The following IGFL2 variants were observed in gnomAD, a reference collection of about 807,000 sequenced individuals.
The protein encoded by IGFL2 is insulin growth factor-like family member 2.
IGFL2 carries 7 observed loss-of-function variants against 13.9 expected under a neutral mutation model. The observed-to-expected ratio is 0.51, with a 90% CI of 0.29 to 0.95. The LOEUF (loss-of-function observed/expected upper bound fraction) is 0.95. Ranked by LOEUF, IGFL2 falls within the 40% of genes least tolerant of loss-of-function variation. The pLI, the probability that IGFL2 is intolerant of heterozygous loss-of-function variation, is 0.08. For synonymous variants in IGFL2, 55 were observed against 55.8 expected (o/e 0.99, Z 0.07); for missense variants, 138 against 147.8 (o/e 0.93, Z 0.34).
At chr19:46,108,134 G>C in the IGFL2 span, among the ~76,000 whole-genome samples, 1 of 152,114 alleles carries the variant, frequency 6.6e-6, no homozygotes, top group East Asian at 1.9e-4. Context: ...AGCCTGGCGA[G>C]GAGCAGCCTG....
chr19:46,132,942 AGAG>A, the IGFL2 span, among the ~76,000 whole-genome samples: 1 of 152,114 alleles, frequency 6.6e-6, no homozygotes, highest in Non-Finnish European at 1.5e-5. Context: ...AAGGATTAGG[AGAG>A]GAGAGACAAG....
chr19:46,140,736 T>G (rs1300559592), upstream of IGFL2, among the ~76,000 whole-genome samples: 2 of 152,170 alleles, frequency 1.3e-5, no homozygotes, highest in Non-Finnish European at 2.9e-5. Flanking sequence ...GAAACCCCTG[T>G]GGGAACCAGT....
the IGFL2 span, among the ~76,000 whole-genome samples, chr19:46,172,408 G>A: frequency 6.6e-6 from 1 of 152,208 alleles, no homozygotes; most frequent in African/African-American, 2.4e-5. Flanking sequence ...ATGAAGACGT[G>A]AGTAACTTCA....
chr19:46,138,787 C>T (rs1972721604), upstream of IGFL2, among the ~76,000 whole-genome samples: 1 of 151,888 alleles, frequency 6.6e-6, no homozygotes, highest in Admixed American at 6.5e-5. Flanking sequence ...CACTGAGAGG[C>T]ACTCGTATCA....
upstream of IGFL2, among the ~76,000 whole-genome samples, chr19:46,145,598 ATATGTGTGTGTGTGTGTGTG>A (rs1973085392): frequency 7.2e-6 from 1 of 138,382 alleles, no homozygotes; most frequent in South Asian, 2.3e-4. Context: ...ACACTCATAT[ATATGTGTGTGTGTGTGTGTG>A]TGTGTGTGTG....
chr19:46,196,610 C>A, the IGFL2 span, among the ~76,000 whole-genome samples: 2 of 152,224 alleles, frequency 1.3e-5, no homozygotes, highest in African/African-American at 2.4e-5. Flanking sequence ...ACTCCTCCAA[C>A]ACCAGGAAAC....
downstream of IGFL2, chr19:46,161,304 A>G (rs73048066): frequency 0.026 from 11,075 of 420,364 alleles, 279 homozygotes; most frequent in East Asian, 0.08. Flanking sequence ...CCTGTACCCA[A>G]TGTCGTCTCC....
the IGFL2 span, among the ~76,000 whole-genome samples, chr19:46,187,938 T>TCAGAGATGGTGAG: frequency 4.0e-5 from 6 of 150,330 alleles, no homozygotes; most frequent in Non-Finnish European, 8.9e-5. Context: ...ATACCTGAGA[T>TCAGAGATGGTGAG]CGTGTTGCTG....
the IGFL2 span, among the ~76,000 whole-genome samples, chr19:46,079,256 T>C: frequency 3.8e-3 from 578 of 152,340 alleles, 6 homozygotes; most frequent in African/African-American, 0.013. Flanking sequence ...TGCTGCAGAG[T>C]TCATGGCTGG....
the IGFL2 span, among the ~76,000 whole-genome samples, chr19:46,182,815 T>C: frequency 6.6e-6 from 1 of 152,116 alleles, no homozygotes; most frequent in Admixed American, 6.5e-5. Flanking sequence ...CTGCCTCCTC[T>C]CCCTACACTC....
chr19:46,137,383 T>C, the IGFL2 span: 8 of 1,083,340 alleles, frequency 7.4e-6, no homozygotes, highest in East Asian at 4.7e-5. Flanking sequence ...TAGACAGATA[T>C]GTTTGCTGGG....
chr19:46,164,290 G>A (rs1974293042), downstream of IGFL2: 1 of 152,122 alleles, frequency 6.6e-6, no homozygotes, highest in Non-Finnish European at 1.5e-5. Context: ...AGGAGGAACG[G>A]GATCAGGGAC....
chr19:46,163,138 A>G (rs1210949561), downstream of IGFL2, among the ~76,000 whole-genome samples: 3 of 152,152 alleles, frequency 2.0e-5, no homozygotes, highest in Non-Finnish European at 2.9e-5. Context: ...GGTCAGTTGT[A>G]TGGCTCCCCT....
chr19:46,161,920 G>A (rs147389015), downstream of IGFL2, among the ~76,000 whole-genome samples: 1,690 of 152,282 alleles, frequency 0.011, 24 homozygotes, highest in African/African-American at 0.036. Flanking sequence ...ACACTGGTCT[G>A]TGTGTTTAAG....
the IGFL2 span, among the ~76,000 whole-genome samples, chr19:46,206,455 A>C: frequency 6.6e-6 from 1 of 152,184 alleles, no homozygotes; most frequent in South Asian, 2.1e-4. Flanking sequence ...TAGAACTGAC[A>C]CTGTGAGCTC....
chr19:46,135,507 A>G, the IGFL2 span, among the ~76,000 whole-genome samples: 3 of 152,254 alleles, frequency 2.0e-5, no homozygotes, highest in East Asian at 5.8e-4. Context: ...AGAGGGTTAG[A>G]TAAAAGGTTT....
chr19:46,145,628 GTGTGTGTATT>G (rs1482515875), upstream of IGFL2, among the ~76,000 whole-genome samples: 98 of 136,352 alleles, frequency 7.2e-4, no homozygotes, highest in African/African-American at 2.3e-3. Context: ...GTGTGTGTGT[GTGTGTGTATT>G]TATTTATTTA....
the IGFL2 span, among the ~76,000 whole-genome samples, chr19:46,123,564 T>A: frequency 6.6e-6 from 1 of 150,662 alleles, no homozygotes. Context: ...AACATCTTTG[T>A]CTTCCTGACA....
the IGFL2 span, among the ~76,000 whole-genome samples, chr19:46,102,698 G>A: frequency 6.6e-6 from 1 of 152,178 alleles, no homozygotes; most frequent in Admixed American, 6.5e-5. Context: ...CCATCTGGAT[G>A]TATATGTGCA....
Sources: allele counts gnomAD v4.1 joint callset (sites outside exome capture counted in the v4.1 genomes callset), GRCh38; gene constraint gnomAD v4.1.1; transcripts MANE v1.5; gene names NCBI Gene and HGNC (gene_info 2026-07-23, HGNC 2026-07-21).